SLIT1: variants seen among roughly 807,000 people sequenced by gnomAD.
SLIT1 encodes slit homolog 1 protein.
A neutral mutation model predicts 186.1 loss-of-function variants in SLIT1; 66 were observed. The ratio of observed to expected loss-of-function variants is 0.35; its 90% CI spans 0.29 to 0.44. The LOEUF (loss-of-function observed/expected upper bound fraction) is 0.44. SLIT1 is among the 20% of genes least tolerant of loss of function. The pLI, the probability that SLIT1 is intolerant of heterozygous loss-of-function variation, is 1.00. For missense variants in SLIT1, 1,638 were observed against 2,037.4 expected (o/e 0.80, Z 3.77); for synonymous variants, 761 against 833.8 (o/e 0.91, Z 1.50).
At chr10:97,152,496 G>A (rs1849892516) in intron 4 of SLIT1, among the ~76,000 whole-genome samples, 1 of 152,206 alleles carries the variant, frequency 6.6e-6, no homozygotes, top group Non-Finnish European at 1.5e-5. Context: ...TCTGACACAA[G>A]AGAGTGTCAC....
intron 4 of SLIT1, among the ~76,000 whole-genome samples, chr10:97,129,511 A>G (rs1849634301): frequency 6.6e-6 from 1 of 152,202 alleles, no homozygotes; most frequent in African/African-American, 2.4e-5. Context: ...GTTCACTGTT[A>G]CTAGACGTGG....
At position 97,119,569 on chromosome 10, in the gene SLIT1, GGGGCGGT is replaced by G. The variant is rs1036001569; in HGVS notation, c.413+38242_413+38248del. 5.3e-5 allele frequency among the ~76,000 whole-genome samples: 8 copies of G among 152,144 alleles called. No individual in the cohort carries two copies. The East Asian group carries it at 5.8e-4, about 11-fold the overall frequency. The stretch of plus-strand genomic sequence containing the variant: ...CCGTGAACAGAAGGTGGGTTGCGAC[GGGGCGGT>G]GCGAGGAGGTCATCGGGAGGGTCTG... On this transcript the variant is annotated intron_variant, in intron 4 of 36. Transcript: ENST00000266058.
intron 4 of SLIT1, among the ~76,000 whole-genome samples, chr10:97,078,605 C>T (rs1283900462): frequency 6.6e-6 from 1 of 152,148 alleles, no homozygotes; most frequent in East Asian, 1.9e-4. Context: ...GGCTAGAGTC[C>T]CACTAAGCAG....
chr10:97,128,863 CAG>C (rs1440781189), intron 4 of SLIT1, among the ~76,000 whole-genome samples: 1 of 152,076 alleles, frequency 6.6e-6, no homozygotes, highest in Admixed American at 6.6e-5. Flanking sequence ...CTTCCGGCCG[CAG>C]AACAAGCAAT....
At chr10:97,057,144 T>C (rs1564664036) in intron 12 of SLIT1, 66 bp downstream of exon 12, 3 of 1,312,894 alleles carry the variant, frequency 2.3e-6, no homozygotes, top group East Asian at 2.3e-5. Context: ...AGGGACAGTC[T>C]AGCAGGCCAG....
chr10:97,046,904 C>A (rs1421429464), intron 17 of SLIT1, 87 bp downstream of exon 17: 2 of 1,567,826 alleles, frequency 1.3e-6, no homozygotes, highest in Non-Finnish European at 1.7e-6. Context: ...GGCCCCCCGC[C>A]GTGGGAGCTG....
At chr10:97,053,687 G>T (rs1228440803) in intron 13 of SLIT1, among the ~76,000 whole-genome samples, 1 of 152,160 alleles carries the variant, frequency 6.6e-6, no homozygotes, top group Non-Finnish European at 1.5e-5. Context: ...CTGCCTAACT[G>T]CAGGCTCAGA....
intron 4 of SLIT1, among the ~76,000 whole-genome samples, chr10:97,131,421 G>C (rs1370394090): frequency 1.3e-5 from 2 of 152,244 alleles, no homozygotes; most frequent in Admixed American, 6.5e-5. Flanking sequence ...CCTGGACCAA[G>C]GGTGGGGAGT....
At chr10:97,020,265 G>A (rs894404822) in intron 26 of SLIT1, among the ~76,000 whole-genome samples, 2 of 152,096 alleles carry the variant, frequency 1.3e-5, no homozygotes, top group Non-Finnish European at 2.9e-5. Context: ...GAGCCACCAC[G>A]CCCAGCTGGG....
chr10:97,140,796 A>C (rs941484329), intron 4 of SLIT1, among the ~76,000 whole-genome samples: 1 of 152,186 alleles, frequency 6.6e-6, no homozygotes, highest in African/African-American at 2.4e-5. Context: ...CTCTTTACAA[A>C]TCAGACATCA....
intron 4 of SLIT1, among the ~76,000 whole-genome samples, chr10:97,149,406 A>T (rs1564688288): frequency 6.6e-6 from 1 of 152,112 alleles, no homozygotes; most frequent in Non-Finnish European, 1.5e-5. Flanking sequence ...TAGCTGCAGG[A>T]GGTGAAGCGT....
Position 97,030,978 on chromosome 10 carries a change from C to T in SLIT1, c.2511-150G>A, listed in dbSNP as rs1338818359. Reference sequence around the variant, plus strand: ...GTGACCTGAAGGAGATGGCCCCTAGCTCAGCTGGCCACAGGGAAGAAATCC... The same window carrying T: ...GTGACCTGAAGGAGATGGCCCCTAGTTCAGCTGGCCACAGGGAAGAAATCC... On this transcript the variant is annotated intron_variant, in intron 24 of 36. Coordinates refer to ENST00000266058, the MANE Select transcript of SLIT1 (RefSeq NM_003061.3). 17 of 670,466 alleles carry T rather than the reference C, an allele frequency of 2.5e-5. No homozygotes were observed. The East Asian group carries it at 4.0e-4, about 16-fold the overall frequency. 41.5% of individuals were successfully genotyped at this position (670,466 alleles called of 1,614,324 possible).
intron 1 of SLIT1, among the ~76,000 whole-genome samples, chr10:97,171,372 G>A (rs1012004703): frequency 3.9e-5 from 6 of 152,100 alleles, no homozygotes; most frequent in East Asian, 1.9e-4. Flanking sequence ...GTCCTGCAGC[G>A]CCACCTCACA....
At chr10:97,081,775 C>T (rs1222671488) in intron 4 of SLIT1, among the ~76,000 whole-genome samples, 1 of 152,180 alleles carries the variant, frequency 6.6e-6, no homozygotes, top group Non-Finnish European at 1.5e-5. Context: ...GTGGCCACAA[C>T]AAAAGCCCAG....
rs145717031 is a variant in SLIT1, at chr10:97,164,865, G to C, written c.223C>G (p.Arg75Gly). ...RLELNGNNITRIHKNDFAGLK... is the reference protein window; with the variant it reads ...RLELNGNNITGIHKNDFAGLK... The stretch of plus-strand genomic sequence containing the variant: ...CCCGCAAAGTCATTCTTATGGATCC[G>C]AGTGATGTTGTTGCCATTGAGTTCC... Residue 75 changes from arginine to glycine, a missense_variant, in exon 2 of 37, where the codon CGG becomes GGG. This residue lies in a region of SLIT1 where 1,245 missense variants were observed against 1,535.3 expected (regional missense o/e 0.81). Coordinates refer to ENST00000266058, the MANE Select transcript of SLIT1 (RefSeq NM_003061.3). The C allele has an allele frequency of 1.2e-6, 2 of 1,613,442 alleles. No homozygotes were observed. The highest frequency in any genetic ancestry group is 1.7e-6 in the Non-Finnish European group (2 of 1,179,608).
intron 6 of SLIT1, 102 bp from the exon 7 acceptor site, chr10:97,064,341 G>T: frequency 2.2e-6 from 2 of 907,098 alleles, no homozygotes; most frequent in South Asian, 1.4e-5. Context: ...ACCTTAAAGT[G>T]ACCAGCACGG....
chr10:97,038,146 A>T (rs906502543), intron 21 of SLIT1, among the ~76,000 whole-genome samples: 2 of 151,932 alleles, frequency 1.3e-5, no homozygotes, highest in African/African-American at 4.8e-5. Flanking sequence ...GCCAGCTCCC[A>T]GGGCCCCCTG....
chr10:97,085,271 G>C (rs1849146962), intron 4 of SLIT1, among the ~76,000 whole-genome samples: 1 of 151,908 alleles, frequency 6.6e-6, no homozygotes, highest in African/African-American at 2.4e-5. Context: ...TTGTGGACAA[G>C]TAAGATAGAG....
At chr10:97,099,331 C>G (rs1018137222) in intron 4 of SLIT1, among the ~76,000 whole-genome samples, 1 of 152,204 alleles carries the variant, frequency 6.6e-6, no homozygotes, top group African/African-American at 2.4e-5. Context: ...CACCACCGCA[C>G]CAGGCTGGCC....
Sources: gnomAD v4.1 joint callset for allele counts (sites outside exome capture counted in the v4.1 genomes callset) on GRCh38, gnomAD v4.1.1 for gene constraint, gnomAD v4.1.1 regional missense constraint, MANE v1.5 for transcripts, NCBI Gene and HGNC (gene_info 2026-07-23, HGNC 2026-07-21) for gene names.